MROH2B: variants seen among roughly 807,000 people sequenced by gnomAD.
MROH2B encodes maestro heat-like repeat-containing protein family member 2B.
In MROH2B, 177 loss-of-function variants were observed where a neutral mutation model predicts 208.6. The observed-to-expected ratio is 0.85, with a 90% CI of 0.75 to 0.96. The LOEUF (loss-of-function observed/expected upper bound fraction) is 0.96, where lower values mean the gene tolerates loss of function less well. MROH2B is among the 40% of genes least tolerant of loss of function. The pLI is 0.00. For missense variants in MROH2B, 2,002 were observed against 1,878.7 expected (o/e 1.07, Z -1.21); for synonymous variants, 728 against 659.0 (o/e 1.10, Z -1.60).
At chr5:41,023,828 G>A (rs4496748) in intron 24 of MROH2B, among the ~76,000 whole-genome samples, 91,821 of 152,018 alleles carry the variant, frequency 0.6, 28,208 homozygotes, top group Non-Finnish European at 0.66. Flanking sequence ...GACTAACAGC[G>A]GATCTCTCCA....
At position 41,000,779 on chromosome 5, in the gene MROH2B, G is replaced by C. The variant is rs1187381520; in HGVS notation, c.4249C>G (p.Leu1417Val). ...AAAATCTTCCACCTTCTTCCTGTTA[G>C]GGGTGCCAGGTCCTCAAATAAGAAG... is the stretch of plus-strand genomic sequence containing the variant. ...AIFLFEDLAPLTGRRWKIFFA... is the reference protein window; with the variant it reads ...AIFLFEDLAPVTGRRWKIFFA... Residue 1417 changes from leucine (L) to valine (V), a missense_variant, in exon 38 of 42, where the codon CTA becomes GTA. Physicochemically the swap from Leu to Val is conservative, Grantham distance 32. Coordinates refer to ENST00000399564, the MANE Select transcript of MROH2B (RefSeq NM_173489.5). The C allele has an allele frequency of 6.2e-7, 1 of 1,611,478 alleles. No individual in the cohort carries two copies. Among genetic ancestry groups the C allele is most frequent in the Non-Finnish European group, 8.5e-7 (1 of 1,178,932 alleles).
intron 18 of MROH2B, among the ~76,000 whole-genome samples, chr5:41,043,325 C>T (rs533600915): frequency 1.3e-5 from 2 of 152,084 alleles, no homozygotes; most frequent in East Asian, 1.9e-4. Flanking sequence ...CTTATTCAGG[C>T]CAAAGTCCCT....
At chr5:41,007,768 T>A (rs1458700014) in intron 33 of MROH2B, among the ~76,000 whole-genome samples, 2 of 152,364 alleles carry the variant, frequency 1.3e-5, no homozygotes, top group East Asian at 3.9e-4. Context: ...GAAATCAGGA[T>A]GCATCTTGCA....
At chr5:41,069,407 G>A (rs1743913039) in intron 2 of MROH2B, among the ~76,000 whole-genome samples, 1 of 152,078 alleles carries the variant, frequency 6.6e-6, no homozygotes, top group Admixed American at 6.6e-5. Flanking sequence ...TCATCCACAT[G>A]TTTGTAAGTC....
intron 24 of MROH2B, among the ~76,000 whole-genome samples, chr5:41,021,751 C>T (rs899684266): frequency 2.6e-5 from 4 of 152,048 alleles, no homozygotes; most frequent in Admixed American, 2.6e-4. Flanking sequence ...GTGGTGCTCA[C>T]CTGTGGTCCC....
At chr5:41,067,772 G>A (rs942000787) in intron 2 of MROH2B, among the ~76,000 whole-genome samples, 7 of 152,196 alleles carry the variant, frequency 4.6e-5, no homozygotes, top group South Asian at 2.1e-4. Flanking sequence ...TCTATGGCAA[G>A]ATCTAATTGA....
In MROH2B at chr5:41,064,462, G is replaced by A. The variant is rs1743736132; in HGVS notation, c.460+10C>T. 1 of 1,609,632 alleles carries A rather than the reference G, an allele frequency of 6.2e-7. No individual in the cohort carries two copies. The highest frequency in any genetic ancestry group is 2.2e-5 in the East Asian group (1 of 44,840). ...TTTTTAAGCAAAAAGGAAATCATCG[G>A]GATACCCACCAATACAGAAAGTCCC... On this transcript the variant is annotated intron_variant, in intron 5 of 41. Transcript: ENST00000399564.
chr5:41,021,043 T>C (rs6874338), intron 24 of MROH2B, among the ~76,000 whole-genome samples: 116,596 of 152,068 alleles, frequency 0.77, 45,039 homozygotes, highest in Non-Finnish European at 0.82. Context: ...ATGTAGGAGC[T>C]CTAATGACTC....
chr5:41,000,661 C>G lies in MROH2B; in HGVS notation c.4350+17G>C. 6.2e-7 allele frequency: 1 copy of G among 1,602,600 alleles called. No homozygotes were observed. Among genetic ancestry groups the G allele is most frequent in the Non-Finnish European group, 8.5e-7 (1 of 1,174,734 alleles). On this transcript the variant is annotated intron_variant, in intron 38 of 41. Transcript: ENST00000399564. ...TGGGGAGAGCAGGAGGTGCAGGTGT[C>G]TGTGGAGAGCACTTACAACTCCAAT...
At chr5:40,999,368 G>T (rs1741313155) in intron 40 of MROH2B, among the ~76,000 whole-genome samples, 1 of 152,130 alleles carries the variant, frequency 6.6e-6, no homozygotes, top group East Asian at 1.9e-4. Flanking sequence ...TTATGTAAGG[G>T]CAGCAGCTGG....
intron 24 of MROH2B, among the ~76,000 whole-genome samples, chr5:41,022,254 C>T (rs935665751): frequency 2.6e-5 from 4 of 152,176 alleles, no homozygotes; most frequent in Non-Finnish European, 5.9e-5. Flanking sequence ...GGCGAGGCAT[C>T]ACCTCACCTG....
chr5:41,060,122 C>T (rs1242397102), intron 6 of MROH2B, among the ~76,000 whole-genome samples: 1 of 152,190 alleles, frequency 6.6e-6, no homozygotes, highest in East Asian at 1.9e-4. Flanking sequence ...GTTCCTCCAT[C>T]CTAATAAGCA....
At chr5:41,064,022 C>A (rs1743721166) in intron 5 of MROH2B, among the ~76,000 whole-genome samples, 1 of 152,076 alleles carries the variant, frequency 6.6e-6, no homozygotes, top group African/African-American at 2.4e-5. Flanking sequence ...TAATCAGATG[C>A]CAAAATTTAA....
chr5:41,022,731 G>A (rs780118089), intron 24 of MROH2B, among the ~76,000 whole-genome samples: 62 of 152,150 alleles, frequency 4.1e-4, no homozygotes, highest in Non-Finnish European at 7.4e-4. Context: ...ATCTGAGAAC[G>A]GACAGACTGC....
chr5:41,048,275 CT>C, intron 16 of MROH2B, 48 bp downstream of exon 16: 1 of 1,540,366 alleles, frequency 6.5e-7, no homozygotes, highest in South Asian at 1.3e-5. Context: ...TGCATTATTT[CT>C]TTATGTTCTT....
Position 41,067,183 on chromosome 5 carries a change from C to T in MROH2B, c.126G>A (p.Gln42=). The change falls in exon 3 of 42, where the codon CAG becomes CAA. Residue 42 remains glutamine, a synonymous_variant. Transcript: ENST00000399564. Reference sequence around the variant, plus strand: ...TTGCATCATCCAAGATGTCAGTATTCTGAATAACAGAAGTGAGATGACTGT... The same window carrying T: ...TTGCATCATCCAAGATGTCAGTATTTTGAATAACAGAAGTGAGATGACTGT... ...DIYSHLTSVI[Q]NTDILDDAIV... 1 of 1,554,550 alleles carries T rather than the reference C, an allele frequency of 6.4e-7. No homozygotes were observed. Among genetic ancestry groups the T allele is most frequent in the Non-Finnish European group, 8.7e-7 (1 of 1,147,718 alleles).
Position 40,998,154 on chromosome 5 carries a change from G to C in MROH2B, c.4656C>G (p.Leu1552=). The C allele has an allele frequency of 6.2e-7, 1 of 1,609,946 alleles. No homozygotes were observed. Among genetic ancestry groups the C allele is most frequent in the Non-Finnish European group, 8.5e-7 (1 of 1,177,250 alleles). ...TACACGGATCTTGACGAAGTGCTTGGAGTCCTGAAATGGCAAGAATAGCAA... is the reference window on the plus strand; with the variant it reads ...TACACGGATCTTGACGAAGTGCTTGCAGTCCTGAAATGGCAAGAATAGCAA... The part of the protein sequence containing the change: ...LLDREQLTTR[L]QALRQDPCIS... The change falls in exon 42 of 42, where the codon CTC becomes CTG. Residue 1552 remains leucine (L), a synonymous_variant. Transcript: ENST00000399564.
chr5:41,065,722 A>T (rs1743788813), intron 3 of MROH2B, among the ~76,000 whole-genome samples: 2 of 152,014 alleles, frequency 1.3e-5, no homozygotes, highest in Non-Finnish European at 2.9e-5. Flanking sequence ...GAGTCTGCAA[A>T]AACGTCTACT....
At chr5:41,009,445 AC>A in intron 31 of MROH2B, 39 bp from the exon 32 acceptor site, 1 of 1,607,058 alleles carries the variant, frequency 6.2e-7, no homozygotes, top group Non-Finnish European at 8.5e-7. Flanking sequence ...ATAAGGCACA[AC>A]CCCTCGGGCT....
Sources: gnomAD v4.1 joint callset for allele counts (sites outside exome capture counted in the v4.1 genomes callset) on GRCh38, gnomAD v4.1.1 for gene constraint, MANE v1.5 for transcripts, NCBI Gene and HGNC (gene_info 2026-07-23, HGNC 2026-07-21) for gene names.